Variants in LYPD6B observed in about 807,000 individuals in gnomAD.
LYPD6B encodes ly6/PLAUR domain-containing protein 6B.
Under a neutral mutation model 22.8 loss-of-function variants are expected in LYPD6B, and 17 were observed. That is an observed-to-expected ratio of 0.75 (90% CI 0.51 to 1.12). The LOEUF (loss-of-function observed/expected upper bound fraction) is 1.12. Ranked by LOEUF, LYPD6B falls within the 50% of genes most tolerant of loss-of-function variation. The probability of loss-of-function intolerance (pLI) is 0.00; values close to 1 mark genes in which losing one functional copy is unlikely to be tolerated. For synonymous variants in LYPD6B, 106 were observed against 91.6 expected (o/e 1.16, Z -0.90); for missense variants, 221 against 258.3 (o/e 0.86, Z 0.99).
At chr2:149,205,465 C>A (rs189137426) in intron 4 of LYPD6B, 61 bp downstream of exon 4, 1 of 1,515,486 alleles carries the variant, frequency 6.6e-7, no homozygotes, top group Non-Finnish European at 9.0e-7. Flanking sequence ...TAATATGAAG[C>A]CCCCTTTTCC....
At chr2:149,099,806 A>G (rs980643693) in intron 1 of LYPD6B, among the ~76,000 whole-genome samples, 1 of 152,188 alleles carries the variant, frequency 6.6e-6, no homozygotes. Context: ...AGGTGAGACT[A>G]TTGTCTATGA....
At chr2:149,099,139 C>T (rs762355452) in intron 1 of LYPD6B, among the ~76,000 whole-genome samples, 2 of 152,198 alleles carry the variant, frequency 1.3e-5, no homozygotes, top group Non-Finnish European at 2.9e-5. Flanking sequence ...GAGAGGGACA[C>T]AGGCACTTGT....
At chr2:149,176,617 T>C (rs1286880277) in intron 3 of LYPD6B, among the ~76,000 whole-genome samples, 2 of 152,184 alleles carry the variant, frequency 1.3e-5, no homozygotes, top group Admixed American at 6.5e-5. Flanking sequence ...TACTTGGTCA[T>C]GTTATCTACT....
At chr2:149,135,249 T>TAAAAA (rs36032140) in intron 2 of LYPD6B, among the ~76,000 whole-genome samples, 3 of 136,806 alleles carry the variant, frequency 2.2e-5, no homozygotes, top group Non-Finnish European at 3.1e-5. Context: ...TGTCTCAAAT[T>TAAAAA]AAAAAAAAAA....
At chr2:149,044,481 T>C (rs1416369792) in intron 1 of LYPD6B, among the ~76,000 whole-genome samples, 1 of 152,096 alleles carries the variant, frequency 6.6e-6, no homozygotes, top group African/African-American at 2.4e-5. Flanking sequence ...AGGTGGGTCC[T>C]TTGTAGATTC....
chr2:149,175,023 A>ATCTCTC lies in LYPD6B; in HGVS notation c.77+14222_77+14227dup, dbSNP rs142556922. On this transcript the variant is annotated intron_variant, in intron 3 of 6. Transcript: ENST00000409642. ...TAATACTCTGTGAATAATCTCTTTA[A>ATCTCTC]TCTCTCTCTCTCTCTCTCTCTCTCT... 1.8e-3 allele frequency among the ~76,000 whole-genome samples: 226 copies of ATCTCTC among 125,788 alleles called. 3 individuals carry two copies. The highest frequency in any genetic ancestry group is 4.0e-3 in the African/African-American group (133 of 33,666). The allele number at this position is 125,788 out of a possible 152,430, so 82.5% of individuals were successfully genotyped here. A position where few individuals can be genotyped will look rare whatever the true frequency, so the allele number is the denominator to read the frequency against.
At chr2:149,164,247 C>T (rs1690276836) in intron 3 of LYPD6B, among the ~76,000 whole-genome samples, 1 of 152,130 alleles carries the variant, frequency 6.6e-6, no homozygotes, top group African/African-American at 2.4e-5. Context: ...CCTCTCTCTG[C>T]ACTTGCTGTT....
Position 149,174,055 on chromosome 2 carries a change from A to T in LYPD6B, c.77+13220A>T, listed in dbSNP as rs891100376. ...GAATGTTTTTCCATTTATTTGTGTC[A>T]TCTCTGATTTCTTTGAGCAGTGGTT... On this transcript the variant is annotated intron_variant, in intron 3 of 6. Transcript: ENST00000409642. Among the ~76,000 whole-genome samples the T allele has an allele frequency of 3.9e-5, 6 of 152,088 alleles. No homozygotes were observed. In the South Asian group the frequency reaches 1.2e-3, roughly 32 times the overall value.
At chr2:149,067,129 A>G (rs1408699316) in intron 1 of LYPD6B, among the ~76,000 whole-genome samples, 1 of 152,194 alleles carries the variant, frequency 6.6e-6, no homozygotes, top group Non-Finnish European at 1.5e-5. Flanking sequence ...GTTCCTGCAG[A>G]GGACATGATT....
intron 2 of LYPD6B, among the ~76,000 whole-genome samples, chr2:149,142,723 T>C (rs1293578175): frequency 6.6e-6 from 1 of 152,260 alleles, no homozygotes; most frequent in Non-Finnish European, 1.5e-5. Flanking sequence ...AGGCTGGCCT[T>C]GAACTCCTGG....
chr2:149,149,814 C>T (rs193006350), intron 2 of LYPD6B, among the ~76,000 whole-genome samples: 2 of 152,302 alleles, frequency 1.3e-5, no homozygotes, highest in Admixed American at 1.3e-4. Context: ...TATCTCCATG[C>T]AACCTCTAAA....
At chr2:149,150,810 TC>T (rs1427927249) in intron 2 of LYPD6B, among the ~76,000 whole-genome samples, 1 of 152,182 alleles carries the variant, frequency 6.6e-6, no homozygotes, top group Admixed American at 6.5e-5. Flanking sequence ...CTCATTTGGC[TC>T]GTGTACTGAT....
chr2:149,141,344 T>G (rs1178005251), intron 2 of LYPD6B, among the ~76,000 whole-genome samples: 1 of 152,060 alleles, frequency 6.6e-6, no homozygotes, highest in Non-Finnish European at 1.5e-5. Flanking sequence ...GGGAGAGAAA[T>G]CAGGGAGGTA....
intron 2 of LYPD6B, among the ~76,000 whole-genome samples, chr2:149,158,105 G>A (rs1689821936): frequency 6.6e-6 from 1 of 152,102 alleles, no homozygotes; most frequent in Non-Finnish European, 1.5e-5. Flanking sequence ...ACAGACTTTT[G>A]TTTTCTTGCT....
At chr2:149,171,859 C>G (rs1690850880) in intron 3 of LYPD6B, among the ~76,000 whole-genome samples, 1 of 152,070 alleles carries the variant, frequency 6.6e-6, no homozygotes, top group South Asian at 2.1e-4. Flanking sequence ...ATGTGAGAGC[C>G]CATGGCATTG....
intron 1 of LYPD6B, among the ~76,000 whole-genome samples, chr2:149,103,771 CTTTTTT>C (rs56739458): frequency 6.7e-5 from 5 of 74,324 alleles, no homozygotes; most frequent in South Asian, 5.8e-4. Context: ...TTGTGCATAT[CTTTTTT>C]TTTTTTTTTT....
At chr2:149,103,771 CTTT>C (rs56739458) in intron 1 of LYPD6B, among the ~76,000 whole-genome samples, 1 of 74,308 alleles carries the variant, frequency 1.3e-5, no homozygotes, top group Non-Finnish European at 2.4e-5. Flanking sequence ...TTGTGCATAT[CTTT>C]TTTTTTTTTT....
chr2:149,172,113 C>G (rs1690874716), intron 3 of LYPD6B, among the ~76,000 whole-genome samples: 1 of 152,176 alleles, frequency 6.6e-6, no homozygotes, highest in Admixed American at 6.5e-5. Flanking sequence ...AACTTACAAT[C>G]ATGGCAGAAG....
At chr2:149,082,259 C>G (rs1211224094) in intron 1 of LYPD6B, among the ~76,000 whole-genome samples, 4 of 152,196 alleles carry the variant, frequency 2.6e-5, no homozygotes, top group Non-Finnish European at 5.9e-5. Flanking sequence ...GATATGAGCA[C>G]TGGCAAAATG....
Sources: gnomAD v4.1 joint callset for allele counts (sites outside exome capture counted in the v4.1 genomes callset) on GRCh38, gnomAD v4.1.1 for gene constraint, MANE v1.5 for transcripts, NCBI Gene and HGNC (gene_info 2026-07-23, HGNC 2026-07-21) for gene names.